Variants in QNG1 observed in about 807,000 individuals in gnomAD.
QNG1 encodes Q-nucleotide N-glycosylase 1.
At chr9:83,941,906 CA>C in the QNG1 span, among the ~76,000 whole-genome samples, 67 of 131,896 alleles carry the variant, frequency 5.1e-4, no homozygotes, top group Admixed American at 7.1e-4. Context: ...AACTCCGTCT[CA>C]AAAAAAAAAA....
chr9:83,948,281 C>T, the QNG1 span, among the ~76,000 whole-genome samples: 20 of 151,414 alleles, frequency 1.3e-4, no homozygotes, highest in Admixed American at 3.9e-4. Flanking sequence ...GCCCAGCAGC[C>T]GCCCCGCCTG....
At chr9:83,954,774 GGA>G in the QNG1 span, among the ~76,000 whole-genome samples, 1 of 149,182 alleles carries the variant, frequency 6.7e-6, no homozygotes, top group Admixed American at 6.7e-5. Flanking sequence ...CAGCTAGTCG[GGA>G]GACTGAGGCA....
At chr9:83,942,343 T>A in the QNG1 span, among the ~76,000 whole-genome samples, 1 of 152,230 alleles carries the variant, frequency 6.6e-6, no homozygotes, top group Non-Finnish European at 1.5e-5. Flanking sequence ...GGAATCACAG[T>A]GAAAAGCTAA....
the QNG1 span, among the ~76,000 whole-genome samples, chr9:83,941,778 T>C: frequency 6.6e-6 from 1 of 151,840 alleles, no homozygotes; most frequent in Non-Finnish European, 1.5e-5. Flanking sequence ...CCAGGCATGG[T>C]GGTGGGCACC....
chr9:83,953,397 G>C, the QNG1 span, among the ~76,000 whole-genome samples: 5 of 151,070 alleles, frequency 3.3e-5, no homozygotes, highest in Admixed American at 6.6e-5. Context: ...GTCCAGGCTG[G>C]AGTGCAGTGG....
the QNG1 span, among the ~76,000 whole-genome samples, chr9:83,941,057 C>T: frequency 2.6e-5 from 4 of 152,284 alleles, no homozygotes; most frequent in South Asian, 2.1e-4. Context: ...AGAGTGGCCA[C>T]GGAGGCAGAC....
chr9:83,940,911 A>G, the QNG1 span, among the ~76,000 whole-genome samples: 3 of 152,182 alleles, frequency 2.0e-5, no homozygotes, highest in Non-Finnish European at 2.9e-5. Flanking sequence ...GGAAACAGTG[A>G]TTAACCAGGT....
At chr9:83,952,656 G>A in the QNG1 span, among the ~76,000 whole-genome samples, 3 of 152,020 alleles carry the variant, frequency 2.0e-5, no homozygotes, top group Non-Finnish European at 4.4e-5. Flanking sequence ...TTAGCCGCGC[G>A]TGGTGGCGGG....
At chr9:83,941,906 C>CAA in the QNG1 span, among the ~76,000 whole-genome samples, 1 of 132,106 alleles carries the variant, frequency 7.6e-6, no homozygotes, top group Admixed American at 7.9e-5. Flanking sequence ...AACTCCGTCT[C>CAA]AAAAAAAAAA....
At chr9:83,949,988 A>G in the QNG1 span, among the ~76,000 whole-genome samples, 8,749 of 150,826 alleles carry the variant, frequency 0.058, 817 homozygotes, top group African/African-American at 0.2. Context: ...TATAAAAAAG[A>G]ACAAAAAGAT....
chr9:83,940,132 C>T, the QNG1 span, among the ~76,000 whole-genome samples: 2 of 152,118 alleles, frequency 1.3e-5, no homozygotes, highest in African/African-American at 4.8e-5. Flanking sequence ...AGGCTGGGTG[C>T]AGTGCCTCAC....
chr9:83,948,882 T>A, the QNG1 span, among the ~76,000 whole-genome samples: 3 of 152,114 alleles, frequency 2.0e-5, no homozygotes, highest in South Asian at 4.1e-4. Context: ...GTTAAACAGA[T>A]GCTTGAAGGC....
the QNG1 span, among the ~76,000 whole-genome samples, chr9:83,954,879 CAAAAAAAAAAAA>C: frequency 6.4e-5 from 3 of 47,028 alleles, no homozygotes; most frequent in Non-Finnish European, 8.2e-5. Flanking sequence ...GAGTCCATCT[CAAAAAAAAAAAA>C]AAAAAAAAAA....
At chr9:83,944,977 AAACTCT>A in the QNG1 span, 1 of 1,604,384 alleles carries the variant, frequency 6.2e-7, no homozygotes, top group Non-Finnish European at 8.5e-7. Context: ...TTGTAAAAAG[AAACTCT>A]TTTCCCCTGA....
At chr9:83,955,508 T>A in the QNG1 span, 1 of 1,614,182 alleles carries the variant, frequency 6.2e-7, no homozygotes, top group Admixed American at 1.7e-5. Flanking sequence ...CAGCAGAATT[T>A]TCCCGGTTTC....
the QNG1 span, chr9:83,956,381 CG>C: frequency 6.2e-7 from 1 of 1,604,740 alleles, no homozygotes. Flanking sequence ...GCTCTGGCCC[CG>C]CCGCCTTGGC....
the QNG1 span, chr9:83,955,324 A>G: frequency 1.9e-6 from 3 of 1,546,750 alleles, no homozygotes; most frequent in South Asian, 1.2e-5. Flanking sequence ...TCTGGAAGTA[A>G]AAGAGTTAAC....
the QNG1 span, chr9:83,939,414 T>C: frequency 6.1e-6 from 5 of 821,078 alleles, no homozygotes; most frequent in Non-Finnish European, 9.8e-6. Flanking sequence ...CAATTTCCTA[T>C]AACCTCGATC....
the QNG1 span, chr9:83,939,223 G>A: frequency 5.9e-3 from 1,695 of 287,238 alleles, 11 homozygotes; most frequent in Non-Finnish European, 8.8e-3. Flanking sequence ...ACAGGCACGT[G>A]CCACCACGCC....
Sources: allele counts gnomAD v4.1 joint callset (sites outside exome capture counted in the v4.1 genomes callset), GRCh38; gene constraint gnomAD v4.1.1; transcripts MANE v1.5; gene names NCBI Gene and HGNC (gene_info 2026-07-23, HGNC 2026-07-21).